Variants in ACVR2A observed in about 807,000 individuals in gnomAD.
ACVR2A encodes activin receptor type-2A.
Under a neutral mutation model 61.4 loss-of-function variants are expected in ACVR2A, and 7 were observed. The ratio of observed to expected loss-of-function variants is 0.11; its 90% CI spans 0.06 to 0.21. The LOEUF (loss-of-function observed/expected upper bound fraction) is 0.21, where lower values mean the gene tolerates loss of function less well. Ranked by LOEUF, ACVR2A falls within the 10% of genes least tolerant of loss-of-function variation. The pLI, the probability that ACVR2A is intolerant of heterozygous loss-of-function variation, is 1.00. For synonymous variants in ACVR2A, 193 were observed against 208.3 expected, an observed-to-expected ratio of 0.93 and a Z score of 0.63; for missense variants, 322 against 621.7, an observed-to-expected ratio of 0.52 and a Z score of 5.13.
intron 1 of ACVR2A, among the ~76,000 whole-genome samples, chr2:147,868,017 C>T (rs528324673): frequency 2.6e-4 from 39 of 152,286 alleles, no homozygotes; most frequent in African/African-American, 9.1e-4. Context: ...TACTTATTTA[C>T]TGATTGTTAC....
Position 147,923,035 on chromosome 2 carries a change from T to G in ACVR2A, c.1140T>G (p.Asp380Glu). Reference protein sequence around the residue: ...VLEGAINFQRDAFLRIDMYAM... With the variant: ...VLEGAINFQREAFLRIDMYAM... The stretch of plus-strand genomic sequence containing the variant: ...AGGGTGCTATAAACTTCCAAAGGGA[T>G]GCATTTTTGAGGATAGATATGTATG... The change falls in exon 9 of 11, where the codon GAT (aspartate) becomes GAG (glutamate). Residue 380 changes from aspartate (D) to glutamate (E), a missense_variant. Physicochemically the swap from Asp to Glu is conservative, Grantham distance 45. This residue lies in a region of ACVR2A where 146 missense variants were observed against 383.8 expected (regional missense o/e 0.38). Transcript: ENST00000241416. 6.2e-7 allele frequency: 1 copy of G among 1,613,484 alleles called. No individual in the cohort carries two copies. Among genetic ancestry groups the G allele is most frequent in the Non-Finnish European group, 8.5e-7 (1 of 1,179,562 alleles).
chr2:147,929,132 C>T lies in ACVR2A; in HGVS notation c.*1858C>T, dbSNP rs1303950965. ...GTAATAGCGTCTGTGTGCTGCAGAC[C>T]ATTCAGAACTGTCACGTGTGTCCCC... On this transcript the variant is annotated 3_prime_UTR_variant, in exon 11 of 11. Transcript: ENST00000241416. 6.6e-6 allele frequency: 1 copy of T among 152,282 alleles called. No individual in the cohort carries two copies. Among genetic ancestry groups the T allele is most frequent in the African/African-American group, 2.4e-5 (1 of 41,404 alleles). 9.4% of individuals were successfully genotyped at this position (152,282 alleles called of 1,614,324 possible).
intron 4 of ACVR2A, among the ~76,000 whole-genome samples, chr2:147,904,987 TC>T (rs1247621334): frequency 3.3e-5 from 5 of 152,204 alleles, no homozygotes; most frequent in African/African-American, 1.2e-4. Context: ...CATCTCTTTC[TC>T]TTCTGCTTTT....
intron 1 of ACVR2A, among the ~76,000 whole-genome samples, chr2:147,876,673 T>C (rs1257271682): frequency 6.6e-6 from 1 of 152,140 alleles, no homozygotes; most frequent in Non-Finnish European, 1.5e-5. Flanking sequence ...TTGTTTCCTC[T>C]TCTTAATTTG....
chr2:147,865,153 G>A (rs1276532428), intron 1 of ACVR2A, among the ~76,000 whole-genome samples: 1 of 152,076 alleles, frequency 6.6e-6, no homozygotes, highest in Non-Finnish European at 1.5e-5. Context: ...ACCACCACGA[G>A]GATAGGGATT....
At chr2:147,922,356 A>T (rs868815305) in intron 8 of ACVR2A, among the ~76,000 whole-genome samples, 8 of 152,188 alleles carry the variant, frequency 5.3e-5, no homozygotes, top group Middle Eastern at 6.8e-3. Context: ...GTATGTTGTG[A>T]TGTACCCAGC....
chr2:147,907,453 A>G (rs1367903020), intron 4 of ACVR2A, among the ~76,000 whole-genome samples: 2 of 152,134 alleles, frequency 1.3e-5, no homozygotes, highest in East Asian at 3.8e-4. Flanking sequence ...TTACATTCCC[A>G]CCAACAATGT....
At chr2:147,878,456 T>A (rs1231981950) in intron 1 of ACVR2A, among the ~76,000 whole-genome samples, 2 of 151,952 alleles carry the variant, frequency 1.3e-5, no homozygotes, top group Non-Finnish European at 2.9e-5. Flanking sequence ...TTTTTTTTTT[T>A]ATTAAGAAAG....
At position 147,928,470 on chromosome 2, in the gene ACVR2A, A is replaced by G. The variant is rs904042106; in HGVS notation, c.*1196A>G. 1 of 152,050 alleles carries G rather than the reference A, an allele frequency of 6.6e-6. No individual in the cohort carries two copies. The highest frequency in any genetic ancestry group is 2.4e-5 in the African/African-American group (1 of 41,292). The allele number at this position is 152,050 out of a possible 1,614,324, so 9.4% of individuals were successfully genotyped here. Reference sequence around the variant, plus strand: ...TGCCATCTTGTCAGAGTAATATTTGATGTCTGTGATATGTAAAGAATTATC... The same window carrying G: ...TGCCATCTTGTCAGAGTAATATTTGGTGTCTGTGATATGTAAAGAATTATC... On this transcript the variant is annotated 3_prime_UTR_variant, in exon 11 of 11. Coordinates refer to ENST00000241416, the MANE Select transcript of ACVR2A (RefSeq NM_001616.5).
intron 1 of ACVR2A, among the ~76,000 whole-genome samples, chr2:147,858,866 T>G (rs1334792394): frequency 6.6e-6 from 1 of 152,176 alleles, no homozygotes; most frequent in Non-Finnish European, 1.5e-5. Context: ...TCATATAATT[T>G]CATGTGTCAC....
chr2:147,929,544 C>CTT lies in ACVR2A; in HGVS notation c.*2271_*2272dup, dbSNP rs1381517426. On this transcript the variant is annotated 3_prime_UTR_variant, in exon 11 of 11. Coordinates refer to ENST00000241416, the MANE Select transcript of ACVR2A (RefSeq NM_001616.5). The stretch of plus-strand genomic sequence containing the variant: ...TAACTGTAGCTAACCAATTTTAAAA[C>CTT]TTGTATTCTTTTGAGAACTATTATT... 2.6e-5 allele frequency: 4 copies of CTT among 152,246 alleles called. No individual in the cohort carries two copies. The highest frequency in any genetic ancestry group is 5.9e-5 in the Non-Finnish European group (4 of 67,930). 9.4% of individuals were successfully genotyped at this position (152,246 alleles called of 1,614,324 possible).
At chr2:147,923,193 A>G (rs2303391) in intron 9 of ACVR2A, 82 bp downstream of exon 9, 67,970 of 1,433,834 alleles carry the variant, frequency 0.047, 3,222 homozygotes, top group South Asian at 0.23. Flanking sequence ...CCAAGGTAAT[A>G]TTTTAAAGTA....
At chr2:147,854,462 A>G (rs1422609592) in intron 1 of ACVR2A, among the ~76,000 whole-genome samples, 1 of 152,214 alleles carries the variant, frequency 6.6e-6, no homozygotes, top group Non-Finnish European at 1.5e-5. Flanking sequence ...TGAAAACACA[A>G]AGCTATTCAA....
intron 4 of ACVR2A, among the ~76,000 whole-genome samples, chr2:147,912,311 A>T (rs1047655896): frequency 2.0e-5 from 3 of 152,020 alleles, no homozygotes; most frequent in African/African-American, 7.2e-5. Context: ...GAAGAAATGT[A>T]ATCAGAACTG....
chr2:147,849,824 T>A lies in ACVR2A; in HGVS notation c.55+4617T>A, dbSNP rs141362899. On this transcript the variant is annotated intron_variant, in intron 1 of 10. Transcript: ENST00000241416. ...GATACTGACATTTTCGCCTTTTGGG[T>A]CCACCAGACTCACTGTTCTTAAGAG... Among the ~76,000 whole-genome samples, 14 of 152,316 alleles carry A rather than the reference T, an allele frequency of 9.2e-5. No individual in the cohort carries two copies. The East Asian group carries it at 2.7e-3, about 29-fold the overall frequency.
intron 1 of ACVR2A, among the ~76,000 whole-genome samples, chr2:147,869,272 AATATACGT>A (rs1685951477): frequency 6.6e-6 from 1 of 152,206 alleles, no homozygotes; most frequent in African/African-American, 2.4e-5. Flanking sequence ...TGGAAGTGTT[AATATACGT>A]ATGCTTTTCC....
chr2:147,894,364 A>G (rs956487246), intron 1 of ACVR2A, among the ~76,000 whole-genome samples: 2 of 152,148 alleles, frequency 1.3e-5, no homozygotes, highest in Non-Finnish European at 2.9e-5. Context: ...TTGTTTTTCA[A>G]ATAGACAAGA....
rs1687537878 is a variant in ACVR2A at position 147,927,738 on chromosome 2, T to G, written c.*464T>G. 6.5e-6 allele frequency: 1 copy of G among 154,014 alleles called. No individual in the cohort carries two copies. The highest frequency in any genetic ancestry group is 1.4e-5 in the Non-Finnish European group (1 of 69,260). The allele number at this position is 154,014 out of a possible 1,614,324, so 9.5% of individuals were successfully genotyped here. On this transcript the variant is annotated 3_prime_UTR_variant, in exon 11 of 11. Transcript: ENST00000241416. Reference sequence around the variant, plus strand: ...TGCTGTTGTTTCTATAAATGACTATTGTAATGCCAATATGACACAGCTTGT... The same window carrying G: ...TGCTGTTGTTTCTATAAATGACTATGGTAATGCCAATATGACACAGCTTGT...
intron 9 of ACVR2A, 139 bp from the exon 10 acceptor site, chr2:147,925,892 G>A: frequency 1.2e-6 from 1 of 802,784 alleles, no homozygotes; most frequent in South Asian, 1.9e-5. Context: ...GTACAGTTGA[G>A]AGTCTGTTTC....
Sources: gnomAD v4.1 joint callset for allele counts (sites outside exome capture counted in the v4.1 genomes callset) on GRCh38, gnomAD v4.1.1 for gene constraint, gnomAD v4.1.1 regional missense constraint, MANE v1.5 for transcripts, NCBI Gene and HGNC (gene_info 2026-07-23, HGNC 2026-07-21) for gene names.